ZHX2: variants seen among roughly 807,000 people sequenced by gnomAD.
The protein encoded by ZHX2 is zinc fingers and homeoboxes protein 2.
ZHX2 carries 6 observed loss-of-function variants against 21.9 expected under a neutral mutation model. The observed-to-expected ratio is 0.27, with a 90% CI of 0.15 to 0.54. The LOEUF is 0.54. Among genes scored for constraint, ZHX2 ranks in the 20% least tolerant of loss-of-function variants. The probability of loss-of-function intolerance (pLI) is 0.95; values close to 1 mark genes in which losing one functional copy is unlikely to be tolerated. For missense variants in ZHX2, 908 were observed against 1,090.7 expected, an observed-to-expected ratio of 0.83 and a Z score of 2.36; for synonymous variants, 434 against 437.1, an observed-to-expected ratio of 0.99 and a Z score of 0.09.
chr8:122,957,735 T>A (rs1813345444), intron 3 of ZHX2, among the ~76,000 whole-genome samples: 2 of 152,246 alleles, frequency 1.3e-5, no homozygotes, highest in Admixed American at 1.3e-4. Flanking sequence ...CCTCCCAAAG[T>A]GCTGGGATGA....
chr8:122,872,664 T>G (rs555418033), intron 2 of ZHX2, among the ~76,000 whole-genome samples: 4 of 152,314 alleles, frequency 2.6e-5, no homozygotes, highest in African/African-American at 7.2e-5. Context: ...ATACCAATAC[T>G]TAAGTTGGTA....
chr8:122,882,445 AG>A, intron 2 of ZHX2, among the ~76,000 whole-genome samples: 1 of 151,784 alleles, frequency 6.6e-6, no homozygotes, highest in Non-Finnish European at 1.5e-5. Flanking sequence ...ATTTTTTGCA[AG>A]TTTTTTCTTC....
At chr8:122,934,458 C>T (rs564244955) in intron 2 of ZHX2, among the ~76,000 whole-genome samples, 2 of 152,320 alleles carry the variant, frequency 1.3e-5, no homozygotes, top group Admixed American at 6.5e-5. Flanking sequence ...ATATTCTGTT[C>T]CTCCCCAAAT....
intron 2 of ZHX2, among the ~76,000 whole-genome samples, chr8:122,903,013 A>G (rs1224573021): frequency 6.6e-6 from 1 of 152,134 alleles, no homozygotes; most frequent in African/African-American, 2.4e-5. Context: ...CTGGGCATCC[A>G]TTACCAGAGT....
At chr8:122,934,795 TCTC>T (rs1812637937) in intron 2 of ZHX2, among the ~76,000 whole-genome samples, 1 of 152,204 alleles carries the variant, frequency 6.6e-6, no homozygotes, top group Non-Finnish European at 1.5e-5. Context: ...TTCAAGCAAT[TCTC>T]CTGTCTCAGC....
chr8:122,939,709 TG>T (rs1172168743), intron 2 of ZHX2, among the ~76,000 whole-genome samples: 1 of 152,180 alleles, frequency 6.6e-6, no homozygotes, highest in African/African-American at 2.4e-5. Context: ...AAATTCATAT[TG>T]GAACAGTTAC....
chr8:122,974,223 A>G lies in ZHX2; in HGVS notation c.*986A>G, dbSNP rs1362754011. 6.6e-6 allele frequency: 1 copy of G among 152,434 alleles called. No homozygotes were observed. The highest frequency in any genetic ancestry group is 1.5e-5 in the Non-Finnish European group (1 of 68,002). The allele number at this position is 152,434 out of a possible 1,614,324, so 9.4% of individuals were successfully genotyped here. A position where few individuals can be genotyped will look rare whatever the true frequency, so the allele number is the denominator to read the frequency against. ...CAAGATTTTAGCTCAAAGCCTCACC[A>G]TGAATTGATTTTTTTTGTTTGTGTG... On this transcript the variant is annotated 3_prime_UTR_variant, in exon 4 of 4. Coordinates refer to ENST00000314393, the MANE Select transcript of ZHX2 (RefSeq NM_014943.5).
chr8:122,854,069 G>T (rs1818970227), intron 1 of ZHX2, among the ~76,000 whole-genome samples: 1 of 152,160 alleles, frequency 6.6e-6, no homozygotes, highest in South Asian at 2.1e-4. Context: ...AGCCTCCCGG[G>T]CCCCTGAGGA....
chr8:122,815,277 A>C (rs1818008321), intron 1 of ZHX2: 1 of 152,262 alleles, frequency 6.6e-6, no homozygotes, highest in Admixed American at 6.5e-5. Flanking sequence ...TGATACTTTG[A>C]TGGGCCCAGA....
At chr8:122,945,509 C>T (rs1435281706) in intron 2 of ZHX2, among the ~76,000 whole-genome samples, 3 of 145,572 alleles carry the variant, frequency 2.1e-5, no homozygotes, top group Admixed American at 6.9e-5. Context: ...GTTATGGTCT[C>T]ATTATGGTTA....
At chr8:122,876,341 AT>A (rs1819572481) in intron 2 of ZHX2, among the ~76,000 whole-genome samples, 1 of 152,078 alleles carries the variant, frequency 6.6e-6, no homozygotes, top group South Asian at 2.1e-4. Flanking sequence ...GCACCAGACT[AT>A]TTCAGCACCC....
intron 1 of ZHX2, among the ~76,000 whole-genome samples, chr8:122,790,412 C>A (rs1162783513): frequency 6.6e-6 from 1 of 152,152 alleles, no homozygotes; most frequent in African/African-American, 2.4e-5. Context: ...TTCCAGTCAG[C>A]ACTCACTGAG....
At chr8:122,797,719 CA>C (rs912777777) in intron 1 of ZHX2, among the ~76,000 whole-genome samples, 9 of 150,042 alleles carry the variant, frequency 6.0e-5, no homozygotes, top group African/African-American at 1.2e-4. Flanking sequence ...CCCAGACATT[CA>C]AAAAAAAAAT....
chr8:122,811,662 TGGCTGTCACCTGCCAATCA>T, intron 1 of ZHX2, among the ~76,000 whole-genome samples: 1 of 152,272 alleles, frequency 6.6e-6, no homozygotes, highest in Admixed American at 6.5e-5. Flanking sequence ...GGTCCGTGAG[TGGCTGTCACCTGCCAATCA>T]GGCCTTTAGT....
chr8:122,860,811 G>A (rs1819146946), intron 1 of ZHX2, among the ~76,000 whole-genome samples: 1 of 152,028 alleles, frequency 6.6e-6, no homozygotes, highest in East Asian at 1.9e-4. Flanking sequence ...TGAGGCAAGT[G>A]GATCATGAGG....
Position 122,790,021 on chromosome 8 carries a change from C to T in ZHX2, c.-283+8075C>T, listed in dbSNP as rs117331795. Among the ~76,000 whole-genome samples the T allele has an allele frequency of 1.2e-3, 187 of 152,296 alleles. 1 individual carries two copies. Among genetic ancestry groups the T allele is most frequent in the Non-Finnish European group, 2.1e-3 (145 of 68,024 alleles). ...AGTTAATGGTAAACATTCCAAAGAA[C>T]GGAGAACTTGCATTCGAGAGTGTGA... On this transcript the variant is annotated intron_variant, in intron 1 of 3. Transcript: ENST00000314393.
intron 3 of ZHX2, among the ~76,000 whole-genome samples, chr8:122,964,978 T>C (rs1227753022): frequency 6.6e-6 from 1 of 151,862 alleles, no homozygotes; most frequent in Non-Finnish European, 1.5e-5. Flanking sequence ...ATGGTATTGG[T>C]TGTAATATCT....
intron 2 of ZHX2, among the ~76,000 whole-genome samples, chr8:122,940,915 G>A (rs1812825969): frequency 6.6e-6 from 1 of 152,036 alleles, no homozygotes; most frequent in African/African-American, 2.4e-5. Context: ...GCCATCAGTT[G>A]GTGTTCTGGG....
intron 3 of ZHX2, among the ~76,000 whole-genome samples, chr8:122,971,585 C>T (rs530749328): frequency 2.0e-4 from 25 of 125,346 alleles, no homozygotes; most frequent in South Asian, 1.9e-3. Context: ...CTGAGAAGTC[C>T]ACTCTCCTTG....
Sources: allele counts gnomAD v4.1 joint callset (sites outside exome capture counted in the v4.1 genomes callset), GRCh38; gene constraint gnomAD v4.1.1; transcripts MANE v1.5; gene names NCBI Gene and HGNC (gene_info 2026-07-23, HGNC 2026-07-21).